CDH18: variants seen among roughly 807,000 people sequenced by gnomAD.
The protein encoded by CDH18 is cadherin 18, also known as cadherin-18.
In CDH18, 31 loss-of-function variants were observed where a neutral mutation model predicts 67.9. That is an observed-to-expected ratio of 0.46 (90% CI 0.34 to 0.62). CDH18 has a LOEUF of 0.62. Ranked by LOEUF, CDH18 falls within the 20% of genes least tolerant of loss-of-function variation. The pLI is 0.01. For missense variants in CDH18, 890 were observed against 975.5 expected, an observed-to-expected ratio of 0.91 and a Z score of 1.17; for synonymous variants, 362 against 347.2, an observed-to-expected ratio of 1.04 and a Z score of -0.48.
At chr5:19,803,310 C>T (rs1159695440) in intron 3 of CDH18, among the ~76,000 whole-genome samples, 1 of 152,146 alleles carries the variant, frequency 6.6e-6, no homozygotes, top group Non-Finnish European at 1.5e-5. Flanking sequence ...ACAGACTCAT[C>T]GCTTTAGATC....
chr5:19,908,513 A>C (rs959478890), intron 2 of CDH18, among the ~76,000 whole-genome samples: 3 of 152,186 alleles, frequency 2.0e-5, no homozygotes, highest in African/African-American at 7.2e-5. Flanking sequence ...ATAAAATTCT[A>C]TCCTTCTAAA....
In CDH18 at chr5:20,079,169, A is replaced by G. The variant is rs549687491; in HGVS notation, c.-517-87155T>C. ...TAGAACACCAGAACTTATTCCTCCA[A>G]TCTTACTGTATCACTGCACCCACTG... On this transcript the variant is annotated intron_variant, in intron 2 of 14. Coordinates refer to the CDH18 transcript ENST00000507958. Among the ~76,000 whole-genome samples the G allele has an allele frequency of 4.3e-3, 651 of 152,218 alleles. 3 individuals carry two copies. The highest frequency in any genetic ancestry group is 6.4e-3 in the Non-Finnish European group (436 of 68,006).
chr5:19,681,256 A>G (rs2150384285), intron 5 of CDH18, among the ~76,000 whole-genome samples: 1 of 152,002 alleles, frequency 6.6e-6, no homozygotes, highest in Non-Finnish European at 1.5e-5. Flanking sequence ...GTGGGAGTAG[A>G]CAGAGGATCA....
chr5:20,076,374 T>C (rs1158501434), intron 2 of CDH18, among the ~76,000 whole-genome samples: 2 of 152,144 alleles, frequency 1.3e-5, no homozygotes, highest in African/African-American at 4.8e-5. Context: ...TAGATTGTCT[T>C]TGTCTATTTG....
chr5:20,182,826 GA>G (rs148502176), intron 2 of CDH18, among the ~76,000 whole-genome samples: 5,235 of 148,414 alleles, frequency 0.035, 306 homozygotes, highest in African/African-American at 0.12. Flanking sequence ...AATTGCGAGG[GA>G]AAAAAAAAAT....
Position 19,980,301 on chromosome 5 carries a change from T to C in CDH18, c.-257+759A>G, listed in dbSNP as rs148641984. Among the ~76,000 whole-genome samples, 4 of 152,170 alleles carry C rather than the reference T, an allele frequency of 2.6e-5. No individual in the cohort carries two copies. The East Asian group carries it at 5.8e-4, about 22-fold the overall frequency. ...TATAAAACACTGCTGAGAGAAATCA[T>C]AGATGACACAAACAAATGGACTCAC... On this transcript the variant is annotated intron_variant, in intron 2 of 12. Transcript: ENST00000382275.
At chr5:20,473,966 G>A (rs1042663581) in intron 1 of CDH18, among the ~76,000 whole-genome samples, 2 of 152,000 alleles carry the variant, frequency 1.3e-5, no homozygotes, top group Non-Finnish European at 2.9e-5. Context: ...CTGTTCACTA[G>A]TAAAAATATC....
At chr5:20,236,710 A>C (rs186926436) in intron 2 of CDH18, among the ~76,000 whole-genome samples, 16 of 152,084 alleles carry the variant, frequency 1.1e-4, no homozygotes, top group Non-Finnish European at 1.0e-4. Context: ...AAGTTCAACA[A>C]AGGAAATCTA....
intron 1 of CDH18, among the ~76,000 whole-genome samples, chr5:20,385,233 C>T (rs1345312212): frequency 6.6e-6 from 1 of 152,126 alleles, no homozygotes; most frequent in Non-Finnish European, 1.5e-5. Flanking sequence ...AGCAGGATCA[C>T]CTGTTATCAA....
rs751017621 is a variant in CDH18 at position 19,544,011 on chromosome 5, G to C, written c.1254-6C>G. 6.6e-7 allele frequency: 1 copy of C among 1,507,536 alleles called. No individual in the cohort carries two copies. The highest frequency in any genetic ancestry group is 2.3e-5 in the East Asian group (1 of 44,074). The allele number at this position is 1,507,536 out of a possible 1,614,324, so 93.4% of individuals were successfully genotyped here. ...CATTGTAGTTGATGAAGTATCTAGA[G>C]AAAAAAAGAGAAGTTTTTACTTGAT... On this transcript the variant is annotated splice_region_variant and splice_polypyrimidine_tract_variant and intron_variant, in intron 8 of 12. Transcript: ENST00000382275.
intron 1 of CDH18, among the ~76,000 whole-genome samples, chr5:20,468,745 A>C (rs1166441003): frequency 6.6e-6 from 1 of 152,208 alleles, no homozygotes; most frequent in Non-Finnish European, 1.5e-5. Context: ...CATATAATTC[A>C]GAAACTTAAA....
chr5:20,406,284 G>A (rs1416224002), intron 1 of CDH18, among the ~76,000 whole-genome samples: 2 of 152,078 alleles, frequency 1.3e-5, no homozygotes, highest in Non-Finnish European at 2.9e-5. Flanking sequence ...TCCTTTGTCG[G>A]GACATGGATG....
intron 11 of CDH18, among the ~76,000 whole-genome samples, chr5:19,495,269 T>A (rs976407318): frequency 6.6e-6 from 1 of 152,190 alleles, no homozygotes; most frequent in African/African-American, 2.4e-5. Flanking sequence ...ATCTTCATGA[T>A]AATTAGACTA....
At chr5:19,787,002 C>T (rs1775865722) in intron 3 of CDH18, among the ~76,000 whole-genome samples, 1 of 152,018 alleles carries the variant, frequency 6.6e-6, no homozygotes, top group African/African-American at 2.4e-5. Flanking sequence ...GACAAGATCC[C>T]CTACAGACGG....
At chr5:19,856,246 A>G in intron 2 of CDH18, among the ~76,000 whole-genome samples, 1 of 152,218 alleles carries the variant, frequency 6.6e-6, no homozygotes, top group East Asian at 1.9e-4. Context: ...CTTTGAAGAT[A>G]GGGCTAGGTG....
chr5:19,777,982 C>G (rs1774593036), intron 3 of CDH18, among the ~76,000 whole-genome samples: 1 of 152,042 alleles, frequency 6.6e-6, no homozygotes, highest in Admixed American at 6.6e-5. Context: ...ATAAATTCAA[C>G]AAATCAGATG....
intron 4 of CDH18, among the ~76,000 whole-genome samples, chr5:19,725,507 C>A (rs908865566): frequency 1.3e-5 from 2 of 152,102 alleles, no homozygotes; most frequent in African/African-American, 2.4e-5. Context: ...CAGTGGCTCA[C>A]GCCTGTAATC....
intron 2 of CDH18, among the ~76,000 whole-genome samples, chr5:20,232,080 G>A (rs899188041): frequency 3.3e-5 from 5 of 151,914 alleles, no homozygotes; most frequent in East Asian, 1.9e-4. Flanking sequence ...CAAAACAAGC[G>A]AAGCAATTCT....
chr5:20,078,813 G>C (rs187297114), intron 2 of CDH18, among the ~76,000 whole-genome samples: 1 of 151,952 alleles, frequency 6.6e-6, no homozygotes, highest in Non-Finnish European at 1.5e-5. Flanking sequence ...ACAGGGTCTC[G>C]CCACGTTGGC....
Sources: allele counts gnomAD v4.1 joint callset (sites outside exome capture counted in the v4.1 genomes callset), GRCh38; gene constraint gnomAD v4.1.1; transcripts MANE v1.5; gene names NCBI Gene and HGNC (gene_info 2026-07-23, HGNC 2026-07-21).